Variants in MYO3A observed in about 807,000 individuals in gnomAD.
The protein encoded by MYO3A is myosin IIIA, also known as myosin-IIIa.
A neutral mutation model predicts 192.7 loss-of-function variants in MYO3A; 180 were observed. That is an observed-to-expected ratio of 0.93 (90% CI 0.83 to 1.06). The LOEUF (loss-of-function observed/expected upper bound fraction) is 1.06. Among genes scored for constraint, MYO3A ranks in the 50% least tolerant of loss-of-function variants. MYO3A has a pLI of 0.00. For missense variants in MYO3A, 1,896 were observed against 1,905.0 expected (o/e 1.00, Z 0.09); for synonymous variants, 628 against 645.3 (o/e 0.97, Z 0.41).
At chr10:26,112,949 G>T (rs1838280463) in intron 17 of MYO3A, among the ~76,000 whole-genome samples, 1 of 152,022 alleles carries the variant, frequency 6.6e-6, no homozygotes, top group South Asian at 2.1e-4. Flanking sequence ...TTTTCGGGGG[G>T]TTTTTTGCAC....
chr10:25,938,895 A>C (rs770340558), intron 2 of MYO3A, among the ~76,000 whole-genome samples: 24 of 152,180 alleles, frequency 1.6e-4, no homozygotes, highest in Non-Finnish European at 2.9e-4. Context: ...TGAAGCAGTT[A>C]TTACTAAGGT....
chr10:26,151,529 C>T (rs569299573), intron 23 of MYO3A, among the ~76,000 whole-genome samples: 1 of 152,220 alleles, frequency 6.6e-6, no homozygotes, highest in South Asian at 2.1e-4. Flanking sequence ...TTTTTCCATA[C>T]TCTTAATTTC....
At chr10:26,089,183 T>C (rs1564536794) in intron 15 of MYO3A, among the ~76,000 whole-genome samples, 1 of 152,240 alleles carries the variant, frequency 6.6e-6, no homozygotes. Flanking sequence ...TTTATATTAG[T>C]ACATTATTAT....
chr10:26,076,112 C>T (rs564417466), intron 14 of MYO3A, among the ~76,000 whole-genome samples: 1 of 152,032 alleles, frequency 6.6e-6, no homozygotes, highest in Non-Finnish European at 1.5e-5. Context: ...ACATTCCCAC[C>T]AGCAGTGTAG....
At chr10:25,954,142 T>G (rs970503765) in intron 3 of MYO3A, among the ~76,000 whole-genome samples, 2 of 152,110 alleles carry the variant, frequency 1.3e-5, no homozygotes, top group African/African-American at 4.8e-5. Flanking sequence ...GAGCTCAGAT[T>G]TAAATTTCTA....
intron 14 of MYO3A, among the ~76,000 whole-genome samples, chr10:26,081,136 CCCCCCCCCCGCCCCCGCT>C (rs1304316220): frequency 9.4e-6 from 1 of 106,634 alleles, no homozygotes; most frequent in African/African-American, 3.1e-5. Context: ...ATGCCCTTCC[CCCCCCCCCCGCCCCCGCT>C]ACCAGGGTGG....
intron 6 of MYO3A, among the ~76,000 whole-genome samples, chr10:26,012,412 T>C (rs1200001053): frequency 6.6e-6 from 1 of 152,144 alleles, no homozygotes; most frequent in East Asian, 1.9e-4. Context: ...ACAAAATCAA[T>C]ATACACAAAT....
chr10:26,081,141 CCCCCG>C (rs747354181), intron 14 of MYO3A, among the ~76,000 whole-genome samples: 5,848 of 103,150 alleles, frequency 0.057, 886 homozygotes, highest in Non-Finnish European at 0.095. Flanking sequence ...CTTCCCCCCC[CCCCCG>C]CCCCCGCTAC....
chr10:26,157,262 C>G, intron 25 of MYO3A, 48 bp from the exon 26 acceptor site: 2 of 1,556,576 alleles, frequency 1.3e-6, no homozygotes, highest in Non-Finnish European at 1.8e-6. Flanking sequence ...CAAGCTCATA[C>G]GTTTTTGTAT....
At chr10:26,115,294 C>G (rs956996417) in intron 17 of MYO3A, among the ~76,000 whole-genome samples, 2 of 152,150 alleles carry the variant, frequency 1.3e-5, no homozygotes, top group African/African-American at 4.8e-5. Flanking sequence ...CAGAGGCAAG[C>G]TGTGTGCTAA....
intron 17 of MYO3A, among the ~76,000 whole-genome samples, chr10:26,104,818 T>A (rs1837691178): frequency 1.3e-5 from 2 of 151,730 alleles, no homozygotes; most frequent in Non-Finnish European, 2.9e-5. Context: ...GTATACATAG[T>A]CCAATATTCC....
chr10:25,994,597 C>T (rs1025047705), intron 4 of MYO3A, among the ~76,000 whole-genome samples: 2 of 152,182 alleles, frequency 1.3e-5, no homozygotes, highest in Non-Finnish European at 2.9e-5. Context: ...GCAGTTTCTT[C>T]CTAGCATCGA....
chr10:26,056,184 C>A (rs1834097846), intron 10 of MYO3A, among the ~76,000 whole-genome samples: 1 of 151,996 alleles, frequency 6.6e-6, no homozygotes. Flanking sequence ...ATCAAAAGCA[C>A]TGTAACATAA....
rs757481437 is a variant in MYO3A at position 26,157,388 on chromosome 10, C to A, written c.2872C>A (p.Arg958Ser). 18 of 1,613,944 alleles carry A rather than the reference C, an allele frequency of 1.1e-5. No individual in the cohort carries two copies. The South Asian group carries it at 1.6e-4, about 15-fold the overall frequency. Residue 958 changes from arginine to serine, a missense_variant, in exon 26 of 35, where the codon CGT becomes AGT. Arg to Ser is a moderately radical substitution (Grantham distance 110). Transcript: ENST00000642920. ...FVRCIKPNSE[R>S]QARKYDKEKV... ...CCGTTGCATCAAACCAAATAGTGAG[C>A]GTCAGGCAAGAAAATATGACAAAGA...
intron 1 of MYO3A, among the ~76,000 whole-genome samples, chr10:25,934,892 G>GGT (rs576348560): frequency 7.3e-4 from 111 of 152,180 alleles, no homozygotes; most frequent in African/African-American, 2.6e-3. Flanking sequence ...GATCTTTAGG[G>GGT]GTGAACTTGG....
chr10:25,935,342 T>C (rs1278734082), intron 1 of MYO3A, among the ~76,000 whole-genome samples: 1 of 152,190 alleles, frequency 6.6e-6, no homozygotes, highest in African/African-American at 2.4e-5. Context: ...AATTTTATTA[T>C]TGTTAGAATG....
chr10:25,998,075 G>C (rs12259136), intron 6 of MYO3A, among the ~76,000 whole-genome samples: 1 of 151,926 alleles, frequency 6.6e-6, no homozygotes, highest in Non-Finnish European at 1.5e-5. Flanking sequence ...TGCATTTATC[G>C]TATAGAATTA....
chr10:26,107,240 G>A (rs1180379106), intron 17 of MYO3A, among the ~76,000 whole-genome samples: 1 of 152,112 alleles, frequency 6.6e-6, no homozygotes, highest in Non-Finnish European at 1.5e-5. Flanking sequence ...CCAGCACTTT[G>A]GGAGGCCGAG....
At chr10:26,193,348 C>T (rs1449061801) in intron 32 of MYO3A, 37 bp downstream of exon 32, 1 of 1,488,816 alleles carries the variant, frequency 6.7e-7, no homozygotes, top group Admixed American at 1.7e-5. Flanking sequence ...TGGGAGCCAT[C>T]ACATCTACTA....
Sources: gnomAD v4.1 joint callset for allele counts (sites outside exome capture counted in the v4.1 genomes callset) on GRCh38, gnomAD v4.1.1 for gene constraint, MANE v1.5 for transcripts, NCBI Gene and HGNC (gene_info 2026-07-23, HGNC 2026-07-21) for gene names.